The following LEMD3 variants were observed in gnomAD, a reference collection of about 807,000 sequenced individuals.
LEMD3 encodes the protein LEM domain containing 3.
LEMD3 carries 33 observed loss-of-function variants against 95.2 expected under a neutral mutation model. That is an observed-to-expected ratio of 0.35 (90% confidence interval 0.26 to 0.46). The LOEUF (loss-of-function observed/expected upper bound fraction) is 0.46, where lower values mean the gene tolerates loss of function less well. Among genes scored for constraint, LEMD3 ranks in the 20% least tolerant of loss-of-function variants. The pLI, the probability that LEMD3 is intolerant of heterozygous loss-of-function variation, is 1.00. For synonymous variants in LEMD3, 525 were observed against 474.6 expected, an observed-to-expected ratio of 1.11 and a Z score of -1.38; for missense variants, 1,210 against 1,192.8, an observed-to-expected ratio of 1.01 and a Z score of -0.21.
intron 4 of LEMD3, among the ~76,000 whole-genome samples, chr12:65,224,427 G>A (rs987785969): frequency 1.3e-5 from 2 of 152,044 alleles, no homozygotes; most frequent in African/African-American, 4.8e-5. Flanking sequence ...GTCAACTATG[G>A]TCTGAAAATA....
chr12:65,177,949 A>G (rs1379248789), intron 1 of LEMD3, among the ~76,000 whole-genome samples: 2 of 151,862 alleles, frequency 1.3e-5, no homozygotes, highest in East Asian at 3.9e-4. Flanking sequence ...GACTCAAGCA[A>G]TCCTCACAGC....
chr12:65,208,645 T>G (rs2136334498), intron 1 of LEMD3, among the ~76,000 whole-genome samples: 1 of 152,216 alleles, frequency 6.6e-6, no homozygotes, highest in African/African-American at 2.4e-5. Context: ...CTTTGAAAAC[T>G]TTGAGGGCTT....
At chr12:65,188,361 A>G (rs1482157619) in intron 1 of LEMD3, among the ~76,000 whole-genome samples, 1 of 152,160 alleles carries the variant, frequency 6.6e-6, no homozygotes, top group Non-Finnish European at 1.5e-5. Context: ...TTATTTGAGC[A>G]AAGGATGATT....
chr12:65,221,726 G>A (rs1391933715), intron 4 of LEMD3, among the ~76,000 whole-genome samples: 1 of 147,306 alleles, frequency 6.8e-6, no homozygotes, highest in Non-Finnish European at 1.5e-5. Flanking sequence ...GATCTTAGAG[G>A]AAAATCTCTC....
chr12:65,184,555 T>A (rs1326823704), intron 1 of LEMD3, among the ~76,000 whole-genome samples: 3 of 152,204 alleles, frequency 2.0e-5, no homozygotes, highest in African/African-American at 4.8e-5. Context: ...TTCCAACTTA[T>A]ACTGGCCTAA....
At chr12:65,196,761 G>A (rs769604867) in intron 1 of LEMD3, among the ~76,000 whole-genome samples, 3 of 152,052 alleles carry the variant, frequency 2.0e-5, no homozygotes, top group African/African-American at 2.4e-5. Context: ...CTCCAAATGC[G>A]CAGCAAAAAG....
chr12:65,239,821 C>A, intron 6 of LEMD3, 108 bp from the exon 7 acceptor site: 1 of 716,578 alleles, frequency 1.4e-6, no homozygotes, highest in Non-Finnish European at 2.4e-6. Flanking sequence ...CTAATTCAGC[C>A]ATCTGTCTTG....
intron 4 of LEMD3, among the ~76,000 whole-genome samples, chr12:65,233,309 A>G (rs1228846981): frequency 6.6e-6 from 1 of 152,124 alleles, no homozygotes; most frequent in Non-Finnish European, 1.5e-5. Context: ...TGGTGCTATT[A>G]AGGGTTAGGA....
chr12:65,188,264 A>G (rs982034477), intron 1 of LEMD3, among the ~76,000 whole-genome samples: 1 of 152,138 alleles, frequency 6.6e-6, no homozygotes, highest in East Asian at 1.9e-4. Flanking sequence ...GGGTTGAAGT[A>G]CACTATATAA....
chr12:65,201,885 A>G (rs1403847570), intron 1 of LEMD3, among the ~76,000 whole-genome samples: 4 of 152,092 alleles, frequency 2.6e-5, no homozygotes, highest in Non-Finnish European at 5.9e-5. Context: ...TGAGTTTCTC[A>G]CCATTAAGCA....
At chr12:65,224,965 TC>T (rs1565794696) in intron 4 of LEMD3, among the ~76,000 whole-genome samples, 2 of 152,178 alleles carry the variant, frequency 1.3e-5, no homozygotes, top group Non-Finnish European at 2.9e-5. Context: ...ACAGAATAAT[TC>T]CAAATGACCT....
intron 1 of LEMD3, among the ~76,000 whole-genome samples, chr12:65,196,390 G>T (rs1237301189): frequency 2.0e-5 from 3 of 151,968 alleles, no homozygotes; most frequent in Non-Finnish European, 4.4e-5. Context: ...TTTTTCTAAT[G>T]TGCCTTGCAA....
chr12:65,219,076 G>T (rs979041055), intron 4 of LEMD3, among the ~76,000 whole-genome samples: 2 of 152,124 alleles, frequency 1.3e-5, no homozygotes, highest in Non-Finnish European at 1.5e-5. Context: ...ATAGGCGTGA[G>T]CCACCTGTTC....
intron 1 of LEMD3, among the ~76,000 whole-genome samples, chr12:65,204,162 C>CT (rs762331244): frequency 3.1e-4 from 46 of 146,280 alleles, no homozygotes; most frequent in Admixed American, 7.5e-4. Flanking sequence ...AAGAAACTCA[C>CT]TTTTTTTTTT....
intron 4 of LEMD3, among the ~76,000 whole-genome samples, chr12:65,219,876 G>A (rs567336069): frequency 6.6e-6 from 1 of 152,210 alleles, no homozygotes; most frequent in Admixed American, 6.5e-5. Flanking sequence ...TAACATGACA[G>A]TACTTCCTTC....
intron 4 of LEMD3, among the ~76,000 whole-genome samples, chr12:65,220,482 T>C (rs564825424): frequency 6.6e-6 from 1 of 152,354 alleles, no homozygotes; most frequent in Non-Finnish European, 1.5e-5. Flanking sequence ...TTGTCAGATA[T>C]ATGGTTTGCA....
chr12:65,221,332 C>T (rs1270920059), intron 4 of LEMD3, among the ~76,000 whole-genome samples: 1 of 152,094 alleles, frequency 6.6e-6, no homozygotes, highest in African/African-American at 2.4e-5. Flanking sequence ...AGAAATGTAA[C>T]TGATTTTTGT....
At position 65,241,316 on chromosome 12, in the gene LEMD3, T is replaced by TAATGAA. The variant is rs1870933019; in HGVS notation, c.2305+229_2305+230insAATGAA. 3.3e-5 allele frequency among the ~76,000 whole-genome samples: 5 copies of TAATGAA among 152,212 alleles called. No individual in the cohort carries two copies. The South Asian group carries it at 1.0e-3, about 32-fold the overall frequency. On this transcript the variant is annotated intron_variant, in intron 9 of 12. Coordinates refer to ENST00000308330, the MANE Select transcript of LEMD3 (RefSeq NM_014319.5). ...ATAAAGATGAATATTCCTTGAATCT[T>TAATGAA]GCCTTTTTCACTTAATGAAGCAACT...
chr12:65,178,048 G>A lies in LEMD3; in HGVS notation c.1522+6930G>A, dbSNP rs1229033957. 3.3e-5 allele frequency among the ~76,000 whole-genome samples: 5 copies of A among 151,924 alleles called. No homozygotes were observed. The South Asian group carries it at 6.2e-4, about 19-fold the overall frequency. ...TTTTGTTGAGACAGGATCTCACTTT[G>A]TTGTCCAGGCTGGTCTTGAACTCCT... On this transcript the variant is annotated intron_variant, in intron 1 of 12. Transcript: ENST00000308330.
Sources: allele counts gnomAD v4.1 joint callset (sites outside exome capture counted in the v4.1 genomes callset), GRCh38; gene constraint gnomAD v4.1.1; transcripts MANE v1.5; gene names NCBI Gene and HGNC (gene_info 2026-07-23, HGNC 2026-07-21).